RBFOX1: variants seen among roughly 807,000 people sequenced by gnomAD.
RBFOX1 encodes the protein RNA binding protein fox-1 homolog 1.
In RBFOX1, 8 loss-of-function variants were observed where a neutral mutation model predicts 57.7. That is an observed-to-expected ratio of 0.14 (90% CI 0.08 to 0.25). The LOEUF is 0.25. RBFOX1 is among the 10% of genes least tolerant of loss of function. RBFOX1 has a pLI of 1.00. For synonymous variants in RBFOX1, 326 were observed against 222.4 expected (o/e 1.47, Z -4.15); for missense variants, 611 against 548.5 (o/e 1.11, Z -1.14).
At chr16:7,190,747 G>A (rs932085428) in intron 4 of RBFOX1, among the ~76,000 whole-genome samples, 1 of 152,170 alleles carries the variant, frequency 6.6e-6, no homozygotes, top group Non-Finnish European at 1.5e-5. Context: ...TTCTAGGTTT[G>A]TAGAGCAAGT....
chr16:7,284,720 T>C (rs1168067431), intron 4 of RBFOX1, among the ~76,000 whole-genome samples: 2 of 152,184 alleles, frequency 1.3e-5, no homozygotes, highest in East Asian at 3.8e-4. Context: ...ACTTCCTAGC[T>C]CTGCGACCTC....
At chr16:5,564,154 G>T (rs543785803) in intron 2 of RBFOX1, among the ~76,000 whole-genome samples, 2 of 152,014 alleles carry the variant, frequency 1.3e-5, no homozygotes, top group Admixed American at 1.3e-4. Flanking sequence ...CTGAGATTAT[G>T]GTCCGCACCA....
chr16:6,920,006 C>T (rs1317429679), intron 3 of RBFOX1, among the ~76,000 whole-genome samples: 2 of 152,008 alleles, frequency 1.3e-5, no homozygotes, highest in African/African-American at 4.8e-5. Context: ...CAAAGCTTAG[C>T]TCTCCCTTAT....
chr16:6,478,326 G>A (rs945458362), intron 2 of RBFOX1, among the ~76,000 whole-genome samples: 3 of 133,802 alleles, frequency 2.2e-5, no homozygotes, highest in South Asian at 2.4e-4. Flanking sequence ...AGGTTCAAGC[G>A]ATTCTCCTGC....
chr16:5,556,694 A>T (rs2045690948), intron 2 of RBFOX1, among the ~76,000 whole-genome samples: 1 of 152,168 alleles, frequency 6.6e-6, no homozygotes, highest in Admixed American at 6.5e-5. Flanking sequence ...ATACTCTTTG[A>T]AGCAATGTTT....
chr16:5,944,004 C>T (rs1256611182), intron 4 of RBFOX1, among the ~76,000 whole-genome samples: 1 of 151,170 alleles, frequency 6.6e-6, no homozygotes, highest in Admixed American at 6.6e-5. Context: ...CCCATCCATC[C>T]ATCCACTCAC....
intron 2 of RBFOX1, among the ~76,000 whole-genome samples, chr16:6,622,381 G>A (rs1197564198): frequency 6.6e-6 from 1 of 152,098 alleles, no homozygotes; most frequent in Non-Finnish European, 1.5e-5. Context: ...TAGATACGTA[G>A]TACTTACCTT....
intron 3 of RBFOX1, among the ~76,000 whole-genome samples, chr16:7,044,860 C>G (rs549287419): frequency 6.6e-6 from 1 of 152,296 alleles, no homozygotes; most frequent in South Asian, 2.1e-4. Flanking sequence ...CACCTCCCCT[C>G]TCCCCACCCG....
At chr16:5,494,990 T>C (rs1229624467) in intron 2 of RBFOX1, among the ~76,000 whole-genome samples, 1 of 152,198 alleles carries the variant, frequency 6.6e-6, no homozygotes, top group Non-Finnish European at 1.5e-5. Flanking sequence ...GGCATCAGTT[T>C]TACGTGACTA....
chr16:6,944,748 C>G (rs1340925376), intron 3 of RBFOX1, among the ~76,000 whole-genome samples: 8 of 152,160 alleles, frequency 5.3e-5, no homozygotes, highest in East Asian at 1.9e-4. Flanking sequence ...TGGATAAAGT[C>G]CTGTTGCCAT....
At chr16:5,599,116 C>A (rs529543228) in exon 3 of RBFOX1, 40 of 767,110 alleles carry the variant, frequency 5.2e-5, no homozygotes, top group Non-Finnish European at 8.8e-5. Context: ...AATAAATTTT[C>A]CAGAGCACTT....
intron 4 of RBFOX1, among the ~76,000 whole-genome samples, chr16:7,273,618 C>T (rs1345182904): frequency 6.6e-6 from 1 of 152,088 alleles, no homozygotes; most frequent in Admixed American, 6.6e-5. Context: ...CAGGATTTTC[C>T]TGACAATGAA....
chr16:6,859,635 C>T (rs1162173610), intron 3 of RBFOX1, among the ~76,000 whole-genome samples: 1 of 152,038 alleles, frequency 6.6e-6, no homozygotes, highest in East Asian at 1.9e-4. Context: ...CGATAACCTC[C>T]ATGGAACTGT....
chr16:7,604,416 G>T (rs1046063237), intron 9 of RBFOX1, among the ~76,000 whole-genome samples: 3 of 152,172 alleles, frequency 2.0e-5, no homozygotes, highest in Admixed American at 2.0e-4. Flanking sequence ...TTGTAGAGGA[G>T]ACTTTATCAA....
At chr16:5,655,102 G>A (rs1028376643) in intron 3 of RBFOX1, among the ~76,000 whole-genome samples, 7 of 152,164 alleles carry the variant, frequency 4.6e-5, no homozygotes, top group African/African-American at 1.4e-4. Flanking sequence ...TAAGAGCAGG[G>A]CTGACAGATG....
chr16:7,000,755 C>G (rs1205982539), intron 3 of RBFOX1, among the ~76,000 whole-genome samples: 7 of 151,746 alleles, frequency 4.6e-5, no homozygotes, highest in Non-Finnish European at 2.9e-5. Context: ...CAGGTGTCCG[C>G]CATCATGCCT....
chr16:5,319,146 C>CAAAA (rs1555488953), intron 1 of RBFOX1, among the ~76,000 whole-genome samples: 22 of 150,804 alleles, frequency 1.5e-4, no homozygotes, highest in Admixed American at 1.1e-3. Context: ...AACAAACAAA[C>CAAAA]AAACAAAAAA....
chr16:5,447,923 C>G (rs543439152), intron 1 of RBFOX1, among the ~76,000 whole-genome samples: 1 of 152,314 alleles, frequency 6.6e-6, no homozygotes, highest in East Asian at 1.9e-4. Context: ...CCTTTTCCCA[C>G]TCATTCTGTG....
intron 3 of RBFOX1, chr16:7,004,146 A>G (rs559566979): frequency 6.6e-6 from 1 of 152,232 alleles, no homozygotes; most frequent in East Asian, 1.9e-4. Flanking sequence ...TTAATAGAGC[A>G]TCTTTTTAAA....
Sources: allele counts gnomAD v4.1 joint callset (sites outside exome capture counted in the v4.1 genomes callset), GRCh38; gene constraint gnomAD v4.1.1; transcripts MANE v1.5; gene names NCBI Gene and HGNC (gene_info 2026-07-23, HGNC 2026-07-21).